Variants in GRID2 observed in about 807,000 individuals in gnomAD.
The protein encoded by GRID2 is glutamate receptor ionotropic, delta-2.
In GRID2, 33 loss-of-function variants were observed where a neutral mutation model predicts 114.8. The ratio of observed to expected loss-of-function variants is 0.29; its 90% confidence interval spans 0.22 to 0.38. The LOEUF (loss-of-function observed/expected upper bound fraction) is 0.38, where lower values mean the gene tolerates loss of function less well. Among genes scored for constraint, GRID2 ranks in the 10% least tolerant of loss-of-function variants. GRID2 has a pLI of 1.00. For synonymous variants in GRID2, 505 were observed against 449.9 expected (o/e 1.12, Z -1.55); for missense variants, 1,184 against 1,257.7 (o/e 0.94, Z 0.89).
intron 2 of GRID2, among the ~76,000 whole-genome samples, chr4:92,844,508 C>T (rs1743149386): frequency 6.6e-6 from 1 of 151,946 alleles, no homozygotes; most frequent in African/African-American, 2.4e-5. Flanking sequence ...CACTGCACTC[C>T]AACCTGGGCG....
chr4:93,230,752 A>T (rs1746036019), intron 7 of GRID2, among the ~76,000 whole-genome samples: 1 of 152,034 alleles, frequency 6.6e-6, no homozygotes, highest in African/African-American at 2.4e-5. Context: ...CACTCCTGTC[A>T]AAGTCACTTG....
chr4:92,434,515 A>G (rs1179291568), intron 1 of GRID2, among the ~76,000 whole-genome samples: 2 of 152,190 alleles, frequency 1.3e-5, no homozygotes, highest in South Asian at 2.1e-4. Flanking sequence ...GATAATCCAA[A>G]TGAGATTATA....
chr4:92,881,064 C>T (rs962355904), intron 2 of GRID2, among the ~76,000 whole-genome samples: 1 of 151,952 alleles, frequency 6.6e-6, no homozygotes, highest in Non-Finnish European at 1.5e-5. Context: ...CACCATGCCC[C>T]GCTAATTTTT....
At chr4:93,071,086 A>G (rs1443005802) in intron 2 of GRID2, among the ~76,000 whole-genome samples, 2 of 152,136 alleles carry the variant, frequency 1.3e-5, no homozygotes, top group African/African-American at 4.8e-5. Flanking sequence ...AGGGAATGCC[A>G]AACAACACTT....
chr4:92,374,044 C>G (rs1729239981), intron 1 of GRID2, among the ~76,000 whole-genome samples: 1 of 151,990 alleles, frequency 6.6e-6, no homozygotes, highest in Non-Finnish European at 1.5e-5. Context: ...CCCCGCCCTG[C>G]CACCCCAACC....
intron 1 of GRID2, among the ~76,000 whole-genome samples, chr4:92,384,433 AAT>A (rs372161362): frequency 0.05 from 1,459 of 29,432 alleles, 19 homozygotes; most frequent in Non-Finnish European, 0.062. Context: ...TGTGTGTAGG[AAT>A]ATATATATAT....
chr4:93,392,187 A>G (rs1196797129), intron 8 of GRID2, among the ~76,000 whole-genome samples: 1 of 152,146 alleles, frequency 6.6e-6, no homozygotes, highest in Non-Finnish European at 1.5e-5. Flanking sequence ...AGCTGAATAG[A>G]CAGTATGAGA....
chr4:93,563,269 T>G (rs949312654), intron 13 of GRID2, among the ~76,000 whole-genome samples: 1 of 152,052 alleles, frequency 6.6e-6, no homozygotes, highest in African/African-American at 2.4e-5. Flanking sequence ...ACGTCATTGT[T>G]TCCATTTATA....
chr4:93,540,617 G>A (rs989102086), intron 13 of GRID2, among the ~76,000 whole-genome samples: 1 of 152,110 alleles, frequency 6.6e-6, no homozygotes, highest in East Asian at 1.9e-4. Context: ...GGTGAGGAAG[G>A]GTAGAAATGT....
intron 2 of GRID2, among the ~76,000 whole-genome samples, chr4:92,697,507 G>A (rs533240194): frequency 6.6e-6 from 1 of 152,242 alleles, no homozygotes. Flanking sequence ...TAGGGGCCAG[G>A]GAAAATTAAG....
chr4:93,429,377 AAATT>A (rs1444478102), intron 10 of GRID2, among the ~76,000 whole-genome samples: 1 of 152,236 alleles, frequency 6.6e-6, no homozygotes, highest in Admixed American at 6.5e-5. Flanking sequence ...AATGATTGCA[AAATT>A]AATATGTCAA....
chr4:92,443,432 G>A (rs978208574), intron 1 of GRID2, among the ~76,000 whole-genome samples: 1 of 151,872 alleles, frequency 6.6e-6, no homozygotes, highest in Non-Finnish European at 1.5e-5. Flanking sequence ...GAGGGTGGAA[G>A]GTTGCCCATA....
intron 8 of GRID2, among the ~76,000 whole-genome samples, chr4:93,250,648 ATATATATTTTATATATT>A (rs1320344402): frequency 2.8e-5 from 4 of 143,746 alleles, no homozygotes; most frequent in South Asian, 2.1e-4. Context: ...ACATATATAT[ATATATATTTTATATATT>A]TATATATTTT....
At chr4:92,391,537 A>G (rs1051044745) in intron 1 of GRID2, among the ~76,000 whole-genome samples, 3 of 152,176 alleles carry the variant, frequency 2.0e-5, no homozygotes, top group Admixed American at 1.3e-4. Flanking sequence ...ATTGTAAAAA[A>G]AACCATTCAA....
At chr4:92,975,814 A>T (rs941188801) in intron 2 of GRID2, among the ~76,000 whole-genome samples, 2 of 152,142 alleles carry the variant, frequency 1.3e-5, no homozygotes, top group African/African-American at 4.8e-5. Context: ...TTTAATATTT[A>T]ACAATGAAAC....
chr4:93,308,358 A>G (rs12650174), intron 8 of GRID2, among the ~76,000 whole-genome samples: 23,575 of 152,034 alleles, frequency 0.16, 2,658 homozygotes, highest in African/African-American at 0.3. Context: ...AATCAATTCT[A>G]TTCCTGTTTC....
Position 92,411,655 on chromosome 4 carries a change from G to GTGTATATATATATATATATATA in GRID2, c.88+106912_88+106913insGTATATATATATATATATATAT. ...TGTGTGTGTGTGTGTGTGTGTGTGT[G>GTGTATATATATATATATATATA]TATATATATATATATATATATATGA... On this transcript the variant is annotated intron_variant, in intron 1 of 15. Coordinates refer to ENST00000282020, the MANE Select transcript of GRID2 (RefSeq NM_001510.4). Among the ~76,000 whole-genome samples the GTGTATATATATATATATATATA allele has an allele frequency of 9.8e-4, 83 of 84,648 alleles. 1 individual carries two copies. Among genetic ancestry groups the GTGTATATATATATATATATATA allele is most frequent in the East Asian group, 2.6e-3 (8 of 3,136 alleles). 55.5% of individuals were successfully genotyped at this position (84,648 alleles called of 152,430 possible). A position where few individuals can be genotyped will look rare whatever the true frequency, so the allele number is the denominator to read the frequency against.
intron 1 of GRID2, among the ~76,000 whole-genome samples, chr4:92,345,191 T>G (rs1476025765): frequency 6.6e-6 from 1 of 152,070 alleles, no homozygotes; most frequent in Non-Finnish European, 1.5e-5. Context: ...CCAGCTCTTA[T>G]AAGAGAGAAC....
At chr4:92,695,081 C>T (rs1411556569) in intron 2 of GRID2, among the ~76,000 whole-genome samples, 2 of 152,062 alleles carry the variant, frequency 1.3e-5, no homozygotes, top group African/African-American at 2.4e-5. Context: ...ATCCTCCCAC[C>T]TTAGCCTTCC....
Sources: allele counts gnomAD v4.1 joint callset (sites outside exome capture counted in the v4.1 genomes callset), GRCh38; gene constraint gnomAD v4.1.1; transcripts MANE v1.5; gene names NCBI Gene and HGNC (gene_info 2026-07-23, HGNC 2026-07-21).